TSC22D3: variants seen among roughly 807,000 people sequenced by gnomAD.
TSC22D3 encodes TSC22 domain family member 3, also known as TSC22 domain family protein 3.
In TSC22D3, 4 loss-of-function variants were observed where a neutral mutation model predicts 11.1. That is an observed-to-expected ratio of 0.36 (90% CI 0.18 to 0.83). The LOEUF (loss-of-function observed/expected upper bound fraction) is 0.83, where lower values mean the gene tolerates loss of function less well. Ranked by LOEUF, TSC22D3 falls within the 40% of genes least tolerant of loss-of-function variation. The pLI, the probability that TSC22D3 is intolerant of heterozygous loss-of-function variation, is 0.48. For synonymous variants in TSC22D3, 77 were observed against 70.3 expected (o/e 1.10, Z -0.48); for missense variants, 118 against 159.4 (o/e 0.74, Z 1.40).
At position 107,731,126 on chromosome X, in the gene TSC22D3, C is replaced by T. The variant is rs917693110; in HGVS notation, c.321-15176G>A. On this transcript the variant is annotated intron_variant, in intron 1 of 2. Transcript: ENST00000372383. ...AGTCAATGCTATAACTTTAGTCATACGTGGGGGATGGTAGGGAAAGAACAA... is the reference window on the plus strand; with the variant it reads ...AGTCAATGCTATAACTTTAGTCATATGTGGGGGATGGTAGGGAAAGAACAA... Among the ~76,000 whole-genome samples the T allele has an allele frequency of 1.2e-3, 139 of 112,214 alleles. 12 individuals carry two copies. Among genetic ancestry groups the T allele is most frequent in the Non-Finnish European group, 5.6e-5 (3 of 53,297 alleles).
At chrX:107,737,035 C>G (rs922683980) in intron 1 of TSC22D3, among the ~76,000 whole-genome samples, 1 of 111,960 alleles carries the variant, frequency 8.9e-6, no homozygotes, top group East Asian at 2.8e-4. Context: ...GCACTTATAA[C>G]GTCAACAGAC....
intron 1 of TSC22D3, among the ~76,000 whole-genome samples, chrX:107,748,987 C>T (rs1928801838): frequency 9.0e-6 from 1 of 111,288 alleles, no homozygotes; most frequent in Non-Finnish European, 1.9e-5. Context: ...TTAGCATCCT[C>T]CCCTACTGGA....
At chrX:107,720,214 C>A (rs916458224) in intron 1 of TSC22D3, among the ~76,000 whole-genome samples, 13 of 108,220 alleles carry the variant, frequency 1.2e-4, no homozygotes, top group Admixed American at 1.2e-3. Context: ...AAAAAAAAGA[C>A]TTGGAAAGGA....
At chrX:107,768,718 C>A (rs1473944274) in intron 1 of TSC22D3, among the ~76,000 whole-genome samples, 2 of 112,717 alleles carry the variant, frequency 1.8e-5, no homozygotes, top group African/African-American at 6.5e-5. Flanking sequence ...TCCCATAGGA[C>A]CCTATTCCCA....
chrX:107,773,814 G>A (rs1394175257), intron 1 of TSC22D3, among the ~76,000 whole-genome samples: 1 of 111,721 alleles, frequency 9.0e-6, no homozygotes, highest in Non-Finnish European at 1.9e-5. Flanking sequence ...GGGCAAGGGA[G>A]GCAAACCTGC....
chrX:107,746,803 C>A (rs193200488), intron 1 of TSC22D3, among the ~76,000 whole-genome samples: 1 of 112,404 alleles, frequency 8.9e-6, no homozygotes, highest in East Asian at 2.8e-4. Context: ...AAGGAGTCTG[C>A]GCTCAATACA....
At position 107,714,166 on chromosome X, in the gene TSC22D3, A is replaced by G. The variant is rs1302927035; in HGVS notation, c.*353T>C. On this transcript the variant is annotated 3_prime_UTR_variant, in exon 3 of 3. Transcript: ENST00000372383. ...AGATGTCCATGGAGATGAGAAACAG[A>G]CCCCTTAAACTTTCTGGAGCAAACT... 1.7e-5 allele frequency: 3 copies of G among 172,179 alleles called. No individual in the cohort carries two copies. The highest frequency in any genetic ancestry group is 1.5e-4 in the Admixed American group (2 of 13,506). The allele number at this position is 172,179 out of a possible 1,213,427, so 14.2% of individuals were successfully genotyped here.
chrX:107,750,238 GT>G (rs540325217), intron 1 of TSC22D3, among the ~76,000 whole-genome samples: 1,876 of 99,967 alleles, frequency 0.019, 42 homozygotes, highest in African/African-American at 0.06. Context: ...TTCTCGCTTA[GT>G]TTTTTTTTTT....
chrX:107,771,442 G>A (rs763727785), intron 1 of TSC22D3, among the ~76,000 whole-genome samples: 1 of 111,439 alleles, frequency 9.0e-6, no homozygotes, highest in Admixed American at 9.5e-5. Context: ...AAAATTAGCC[G>A]AGTGTGGTGG....
At chrX:107,751,701 G>T (rs983357845) in intron 1 of TSC22D3, among the ~76,000 whole-genome samples, 2 of 112,365 alleles carry the variant, frequency 1.8e-5, no homozygotes, top group Non-Finnish European at 3.8e-5. Flanking sequence ...CTACTGCTCT[G>T]CAGGCTAAAC....
intron 1 of TSC22D3, among the ~76,000 whole-genome samples, chrX:107,724,693 C>G (rs752829483): frequency 8.9e-6 from 1 of 112,607 alleles, no homozygotes; most frequent in Non-Finnish European, 1.9e-5. Flanking sequence ...GCAAGGGTGA[C>G]AGGTGACAGG....
chrX:107,749,332 A>G (rs905101856), intron 1 of TSC22D3, among the ~76,000 whole-genome samples: 8 of 110,938 alleles, frequency 7.2e-5, no homozygotes, highest in East Asian at 2.8e-4. Flanking sequence ...CTGAGATCAC[A>G]CCATTGCACT....
At chrX:107,729,548 C>T (rs2044860118) in intron 1 of TSC22D3, among the ~76,000 whole-genome samples, 1 of 112,443 alleles carries the variant, frequency 8.9e-6, no homozygotes, top group South Asian at 3.6e-4. Flanking sequence ...CCCCTCATCA[C>T]CACTCCTTTT....
intron 1 of TSC22D3, among the ~76,000 whole-genome samples, chrX:107,757,059 G>A (rs1185484880): frequency 8.9e-6 from 1 of 112,345 alleles, no homozygotes; most frequent in Admixed American, 9.4e-5. Flanking sequence ...AAAGCATTCT[G>A]TGGGCAAGAT....
chrX:107,762,846 C>CT (rs1170456785), intron 1 of TSC22D3, among the ~76,000 whole-genome samples: 4,548 of 44,755 alleles, frequency 0.1, 1,109 homozygotes, highest in Non-Finnish European at 0.16. Context: ...TGCACATGTA[C>CT]TTTTTTTTTT....
chrX:107,754,118 A>C (rs1206514381), intron 1 of TSC22D3, among the ~76,000 whole-genome samples: 1 of 110,058 alleles, frequency 9.1e-6, no homozygotes, highest in African/African-American at 3.3e-5. Flanking sequence ...CGGGGATTTC[A>C]CTATGTTGGC....
intron 1 of TSC22D3, among the ~76,000 whole-genome samples, chrX:107,720,679 G>A (rs1179992166): frequency 9.4e-6 from 1 of 106,522 alleles, no homozygotes; most frequent in Non-Finnish European, 1.9e-5. Flanking sequence ...GGCAACAAGA[G>A]CGAAACTCTG....
intron 1 of TSC22D3, among the ~76,000 whole-genome samples, chrX:107,771,474 ACT>A (rs1051668597): frequency 2.3e-4 from 26 of 111,821 alleles, no homozygotes; most frequent in African/African-American, 7.2e-4. Context: ...AGTCCCAGCT[ACT>A]GAGGAGGCTG....
At chrX:107,769,796 G>A (rs12851161) in intron 1 of TSC22D3, among the ~76,000 whole-genome samples, 8,727 of 109,931 alleles carry the variant, frequency 0.079, 384 homozygotes, top group Middle Eastern at 0.18. Context: ...GAAAGGACCG[G>A]CCCCCACCTA....
Sources: allele counts gnomAD v4.1 joint callset (sites outside exome capture counted in the v4.1 genomes callset), GRCh38; gene constraint gnomAD v4.1.1; transcripts MANE v1.5; gene names NCBI Gene and HGNC (gene_info 2026-07-23, HGNC 2026-07-21).